Variants in SLC29A1 observed in about 807,000 individuals in gnomAD.
SLC29A1 encodes the protein solute carrier family 29 member 1 (Augustine blood group).
In SLC29A1, 22 loss-of-function variants were observed where a neutral mutation model predicts 48.3. The observed-to-expected ratio is 0.46, with a 90% CI of 0.33 to 0.65. The LOEUF (loss-of-function observed/expected upper bound fraction) is 0.65, where lower values mean the gene tolerates loss of function less well. Among genes scored for constraint, SLC29A1 ranks in the 30% least tolerant of loss-of-function variants. SLC29A1 has a pLI of 0.03. For synonymous variants in SLC29A1, 228 were observed against 231.0 expected, an observed-to-expected ratio of 0.99 and a Z score of 0.12; for missense variants, 491 against 575.3, an observed-to-expected ratio of 0.85 and a Z score of 1.50.
chr6:44,224,026 AGG>A (rs1776892966), intron 1 of SLC29A1: 7 of 43,368 alleles, frequency 1.6e-4, no homozygotes, highest in Non-Finnish European at 1.9e-4. Context: ...ATGGGGATGG[AGG>A]CTCGCGAGCG....
At chr6:44,226,987 T>G (rs2153284102) in intron 1 of SLC29A1, 1 of 1,189,548 alleles carries the variant, frequency 8.4e-7, no homozygotes, top group East Asian at 4.5e-5. Context: ...GCTTATAAAC[T>G]GCTTCGGCTG....
rs1779045210 is a variant in SLC29A1, at chr6:44,232,191, CCTT to C, written c.973+88_973+90del. The C allele has an allele frequency of 5.8e-6, 7 of 1,216,756 alleles. No individual in the cohort carries two copies. In the East Asian group the frequency reaches 9.3e-5, roughly 16 times the overall value. 75.4% of individuals were successfully genotyped at this position (1,216,756 alleles called of 1,614,324 possible). A position where few individuals can be genotyped will look rare whatever the true frequency, so the allele number is the denominator to read the frequency against. On this transcript the variant is annotated intron_variant, in intron 10 of 12. Coordinates refer to ENST00000371755, the MANE Select transcript of SLC29A1 (RefSeq NM_001372327.1). This position sits in a 1 kb window ranked among gnomAD's most constrained non-coding sequence, Gnocchi z 4.7. ...TGGGGAAGGGAGGGAGCCTGGGTCA[CCTT>C]CTCCCCGTTTCCTGGGTCCATTTGC...
At chr6:44,221,485 G>T, upstream of SLC29A1, 1 of 468,290 alleles carries the variant, frequency 2.1e-6, no homozygotes, top group South Asian at 1.8e-5. This position sits in a 1 kb window ranked among gnomAD's most constrained non-coding sequence, Gnocchi z 4.2. Flanking sequence ...CCAAGTTGGG[G>T]AGGGAGTCTG....
chr6:44,230,012 T>G lies in SLC29A1; in HGVS notation c.420T>G (p.Phe140Leu). 3 of 1,610,832 alleles carry G rather than the reference T, an allele frequency of 1.9e-6. No homozygotes were observed. The highest frequency in any genetic ancestry group is 2.5e-6 in the Non-Finnish European group (3 of 1,180,006). Residue 140 changes from phenylalanine (F) to leucine (L), a missense_variant, in exon 5 of 13, where the codon TTT becomes TTG. By Grantham distance (22) the Phe-to-Leu change is conservative. Coordinates refer to ENST00000371755, the MANE Select transcript of SLC29A1 (RefSeq NM_001372327.1). ...VKVQLDALPF[F>L]VITMIKIVLI... ...TGCAGCTGGATGCTCTGCCCTTCTT[T>G]GTCATCACCATGATCAAGATCGTGC...
rs324152 is a variant in SLC29A1, at chr6:44,233,375, A to G, written c.1260-42A>G. ...CCACCCAGAGGCTCTGGGCTGGGGT[A>G]CAGCCATTCTGAGGTAGCCTTGCCC... On this transcript the variant is annotated intron_variant, in intron 12 of 12. Coordinates refer to ENST00000371755, the MANE Select transcript of SLC29A1 (RefSeq NM_001372327.1). The G allele has an allele frequency of 4.8e-3, 7,214 of 1,500,288 alleles. 263 individuals carry two copies. The African/African-American group carries it at 0.083, about 17-fold the overall frequency. The allele number at this position is 1,500,288 out of a possible 1,614,324, so 92.9% of individuals were successfully genotyped here.
intron 12 of SLC29A1, 115 bp from the exon 13 acceptor site, chr6:44,233,302 C>G (rs956357146): frequency 4.4e-6 from 4 of 916,088 alleles, no homozygotes; most frequent in Admixed American, 3.7e-5. Flanking sequence ...ATGGGTTGAT[C>G]AACAGAATGA....
rs1230943292 is a variant in SLC29A1 at position 44,223,992 on chromosome 6, T to A, written c.-52+351T>A. On this transcript the variant is annotated intron_variant, in intron 1 of 12. Transcript: ENST00000371755. This position sits in a 1 kb window ranked among gnomAD's most constrained non-coding sequence, Gnocchi z 5.0. ...GGAGGGGCCGTGCCGCTGACTGCGC[T>A]GGCGGAGGGGTATGGGGATGGGGAT... The A allele has an allele frequency of 1.1e-6, 1 of 951,604 alleles. No individual in the cohort carries two copies. Among genetic ancestry groups the A allele is most frequent in the Non-Finnish European group, 1.2e-6 (1 of 800,336 alleles). 58.9% of individuals were successfully genotyped at this position (951,604 alleles called of 1,614,324 possible).
chr6:44,230,078 G>T lies in SLC29A1; in HGVS notation c.454+32G>T, dbSNP rs200345806. On this transcript the variant is annotated intron_variant, in intron 5 of 12. Transcript: ENST00000371755. ...TGGGCCAGGAGGGGGCCTATGGGAG[G>T]AGGCATGCCCAACTACCCCCACTCT... The T allele has an allele frequency of 2.8e-4, 455 of 1,601,540 alleles. 1 individual carries two copies. The highest frequency in any genetic ancestry group is 3.8e-4 in the Non-Finnish European group (451 of 1,179,580).
At chr6:44,226,194 GA>G in intron 1 of SLC29A1, 1 of 860,856 alleles carries the variant, frequency 1.2e-6, no homozygotes, top group Non-Finnish European at 1.4e-6. Context: ...GGAGGGAAGG[GA>G]AGCTGTCCTT....
intron 2 of SLC29A1, among the ~76,000 whole-genome samples, chr6:44,227,771 C>T (rs1777907108): frequency 6.6e-6 from 1 of 152,236 alleles, no homozygotes; most frequent in African/African-American, 2.4e-5. Flanking sequence ...CCTGTGAACT[C>T]CCAGTCAAGT....
In SLC29A1 at chr6:44,233,004, C is replaced by T. The variant is rs1779240239; in HGVS notation, c.1257C>T (p.Pro419=). ...YLASLCMCFG[P]KKVKPAEAET... is the part of the protein sequence containing the mutation. Reference sequence around the variant, plus strand: ...CCAGCCTCTGCATGTGCTTCGGGCCCAAGTGAGTAGGGCTGGCAGGGAACT... The same window carrying T: ...CCAGCCTCTGCATGTGCTTCGGGCCTAAGTGAGTAGGGCTGGCAGGGAACT... The change falls in exon 12 of 13, where the codon CCC becomes CCT. Residue 419 remains proline, a splice_region_variant and synonymous_variant. Coordinates refer to ENST00000371755, the MANE Select transcript of SLC29A1 (RefSeq NM_001372327.1). 2 of 1,612,180 alleles carry T rather than the reference C, an allele frequency of 1.2e-6. No individual in the cohort carries two copies. The highest frequency in any genetic ancestry group is 1.3e-5 in the African/African-American group (1 of 75,046).
chr6:44,221,440 C>T (rs1417829874), upstream of SLC29A1: 1 of 358,560 alleles, frequency 2.8e-6, no homozygotes, highest in Non-Finnish European at 5.5e-6. This position sits in a 1 kb window ranked among gnomAD's most constrained non-coding sequence, Gnocchi z 4.2. Flanking sequence ...AGAGAGAGGA[C>T]TGTGTGTGAG....
In SLC29A1 at chr6:44,233,518, C is replaced by T; in HGVS notation, c.1361C>T (p.Ala454Val). 6.2e-7 allele frequency: 1 copy of T among 1,613,336 alleles called. No individual in the cohort carries two copies. Among genetic ancestry groups the T allele is most frequent in the Non-Finnish European group, 8.5e-7 (1 of 1,179,288 alleles). ...GCTGTTTTCTCCTTCCTGTTCCGGGCAATTGTGTGACAAAGGATGGACAGA... is the reference window on the plus strand; with the variant it reads ...GCTGTTTTCTCCTTCCTGTTCCGGGTAATTGTGTGACAAAGGATGGACAGA... ...LGAVFSFLFR[A>V]IV The change falls in exon 13 of 13, where the codon GCA becomes GTA. Residue 454 changes from alanine to valine, a missense_variant. Coordinates refer to ENST00000371755, the MANE Select transcript of SLC29A1 (RefSeq NM_001372327.1).
upstream of SLC29A1, chr6:44,221,522 G>A: frequency 1.2e-6 from 1 of 840,952 alleles, no homozygotes; most frequent in Admixed American, 2.4e-5. The surrounding 1 kb of genome is among the most constrained non-coding windows in gnomAD (Gnocchi z 4.2). Context: ...CATATAGGGT[G>A]GTGAATAAGG....
chr6:44,219,683 G>A (rs1246166105), upstream of SLC29A1: 2 of 1,286,442 alleles, frequency 1.6e-6, no homozygotes, highest in Admixed American at 2.3e-5. Context: ...TGTGGCTATG[G>A]CCCCAGCCCC....
Position 44,231,986 on chromosome 6 carries a change from C to G in SLC29A1, c.865-12C>G. The G allele has an allele frequency of 6.3e-7, 1 of 1,591,186 alleles. No homozygotes were observed. The highest frequency in any genetic ancestry group is 8.6e-7 in the Non-Finnish European group (1 of 1,159,544). On this transcript the variant is annotated splice_polypyrimidine_tract_variant and intron_variant, in intron 9 of 12. Coordinates refer to ENST00000371755, the MANE Select transcript of SLC29A1 (RefSeq NM_001372327.1). ...ACACAGGCATTTGGGTGACTCTACC[C>G]CTTCTATCTAGATCTCAGTCCTGGC...
At position 44,223,972 on chromosome 6, in the gene SLC29A1, G is replaced by C. The variant is rs1446208295; in HGVS notation, c.-52+331G>C. The stretch of plus-strand genomic sequence containing the variant: ...ATCGATCTGGTCGGTATCAGGGAGG[G>C]GCCGTGCCGCTGACTGCGCTGGCGG... On this transcript the variant is annotated intron_variant, in intron 1 of 12. Transcript: ENST00000371755. The surrounding 1 kb of genome is among the most constrained non-coding windows in gnomAD (Gnocchi z 5.0). The C allele has an allele frequency of 1.0e-6, 1 of 984,738 alleles. No homozygotes were observed. Among genetic ancestry groups the C allele is most frequent in the East Asian group, 1.1e-4 (1 of 8,748 alleles). The allele number at this position is 984,738 out of a possible 1,614,324, so 61.0% of individuals were successfully genotyped here.
Position 44,229,254 on chromosome 6 carries a change from C to A in SLC29A1, c.30-136C>A. On this transcript the variant is annotated intron_variant, in intron 2 of 12. Coordinates refer to ENST00000371755, the MANE Select transcript of SLC29A1 (RefSeq NM_001372327.1). This position sits in a 1 kb window ranked among gnomAD's most constrained non-coding sequence, Gnocchi z 5.1. Reference sequence around the variant, plus strand: ...CCCCACACCCATAAGAGGACACATGCAAACGGACACAAACACAGACGCCCT... The same window carrying A: ...CCCCACACCCATAAGAGGACACATGAAAACGGACACAAACACAGACGCCCT... 2 of 741,420 alleles carry A rather than the reference C, an allele frequency of 2.7e-6. No homozygotes were observed. 45.9% of individuals were successfully genotyped at this position (741,420 alleles called of 1,614,324 possible).
Position 44,232,295 on chromosome 6 carries a change from T to C in SLC29A1, c.974-48T>C, listed in dbSNP as rs1779074399. ...GGCCCAGTGAAGGTTAGGCTTGCTA[T>C]ACCTGCCTCTGTGAGCCTGATAACC... On this transcript the variant is annotated intron_variant, in intron 10 of 12. Coordinates refer to ENST00000371755, the MANE Select transcript of SLC29A1 (RefSeq NM_001372327.1). This position sits in a 1 kb window ranked among gnomAD's most constrained non-coding sequence, Gnocchi z 4.7. 1 of 1,372,764 alleles carries C rather than the reference T, an allele frequency of 7.3e-7. No individual in the cohort carries two copies. Among genetic ancestry groups the C allele is most frequent in the African/African-American group, 1.4e-5 (1 of 70,234 alleles). 85.0% of individuals were successfully genotyped at this position (1,372,764 alleles called of 1,614,324 possible). A position where few individuals can be genotyped will look rare whatever the true frequency, so the allele number is the denominator to read the frequency against.
Sources: gnomAD v4.1 joint callset for allele counts (sites outside exome capture counted in the v4.1 genomes callset) on GRCh38, gnomAD v4.1.1 for gene constraint, Gnocchi (gnomAD v3.1) non-coding constraint, MANE v1.5 for transcripts, NCBI Gene and HGNC (gene_info 2026-07-23, HGNC 2026-07-21) for gene names.